FREM2: variants seen among roughly 807,000 people sequenced by gnomAD.
FREM2 encodes FRAS1 related extracellular matrix 2, also known as FRAS1-related extracellular matrix protein 2.
Under a neutral mutation model 219.9 loss-of-function variants are expected in FREM2, and 119 were observed. The observed-to-expected ratio is 0.54, with a 90% confidence interval of 0.47 to 0.63. FREM2 has a LOEUF of 0.63. FREM2 is among the 30% of genes least tolerant of loss of function. FREM2 has a pLI of 0.00. For synonymous variants in FREM2, 1,562 were observed against 1,522.8 expected, an observed-to-expected ratio of 1.03 and a Z score of -0.60; for missense variants, 4,030 against 3,993.6, an observed-to-expected ratio of 1.01 and a Z score of -0.25.
intron 2 of FREM2, among the ~76,000 whole-genome samples, chr13:38,738,565 C>CA (rs71074478): frequency 0.043 from 2,019 of 46,766 alleles, 65 homozygotes; most frequent in Non-Finnish European, 0.059. Context: ...GACTCCATCT[C>CA]AAAAAAAAAA....
At chr13:38,792,673 C>T (rs1874609905) in intron 6 of FREM2, among the ~76,000 whole-genome samples, 2 of 152,118 alleles carry the variant, frequency 1.3e-5, no homozygotes, top group South Asian at 2.1e-4. Flanking sequence ...TCCACTTGGG[C>T]GTCTTAAAAT....
chr13:38,852,030 A>T (rs990348208), intron 11 of FREM2, among the ~76,000 whole-genome samples, 162 bp downstream of exon 11: 2 of 152,178 alleles, frequency 1.3e-5, no homozygotes, highest in Non-Finnish European at 2.9e-5. Flanking sequence ...ATTTTGTTAC[A>T]TGGTTATATT....
At chr13:38,829,203 G>A (rs143275939) in intron 6 of FREM2, among the ~76,000 whole-genome samples, 1 of 152,210 alleles carries the variant, frequency 6.6e-6, no homozygotes, top group East Asian at 1.9e-4. Flanking sequence ...TAGAACATAA[G>A]CAGTCTTAAC....
At chr13:38,784,899 A>C in intron 6 of FREM2, 91 bp downstream of exon 6, 2 of 1,329,600 alleles carry the variant, frequency 1.5e-6, no homozygotes, top group Non-Finnish European at 2.1e-6. Context: ...ATCTAAAACA[A>C]TGATAATATA....
chr13:38,722,338 G>C (rs1871311136), intron 2 of FREM2, among the ~76,000 whole-genome samples: 1 of 151,734 alleles, frequency 6.6e-6, no homozygotes, highest in Admixed American at 6.6e-5. Flanking sequence ...GGGATTATAG[G>C]CATGAGCTAT....
At chr13:38,761,913 T>G (rs1873241181) in intron 2 of FREM2, among the ~76,000 whole-genome samples, 1 of 152,112 alleles carries the variant, frequency 6.6e-6, no homozygotes, top group South Asian at 2.1e-4. Context: ...TAGGTCAGGA[T>G]GAACCTGGAA....
At position 38,882,315 on chromosome 13, in the gene FREM2, C is replaced by G. The variant is rs999758560; in HGVS notation, c.*1528C>G. 2.0e-5 allele frequency: 3 copies of G among 152,212 alleles called. No individual in the cohort carries two copies. Among genetic ancestry groups the G allele is most frequent in the Middle Eastern group, 3.2e-3 (1 of 316 alleles). 9.4% of individuals were successfully genotyped at this position (152,212 alleles called of 1,614,324 possible). On this transcript the variant is annotated 3_prime_UTR_variant, in exon 24 of 24. Transcript: ENST00000280481. The stretch of plus-strand genomic sequence containing the variant: ...TGCTGGCTAGAATCCCCTTTGACTT[C>G]TAGCCATAAGCTGGCCACATTGGAC...
chr13:38,836,224 G>C (rs1876700864), intron 6 of FREM2, among the ~76,000 whole-genome samples: 1 of 152,296 alleles, frequency 6.6e-6, no homozygotes, highest in Admixed American at 6.5e-5. Context: ...CATTGGTTCT[G>C]TTTATGTGAT....
rs187746286 is a variant in FREM2 at position 38,734,371 on chromosome 13, C to T, written c.5264-29933C>T. Among the ~76,000 whole-genome samples the T allele has an allele frequency of 5.5e-3, 837 of 152,214 alleles. 5 individuals are homozygous for T. Among genetic ancestry groups the T allele is most frequent in the African/African-American group, 0.019 (797 of 41,524 alleles). On this transcript the variant is annotated intron_variant, in intron 2 of 23. Transcript: ENST00000280481. ...ACCCAGAGGAGTCTTTAAGAAGAAA[C>T]GTATTTCTTTCTTTTTCAGCTATGA... is the stretch of plus-strand genomic sequence containing the variant.
chr13:38,727,707 A>G (rs1593369293), intron 2 of FREM2, among the ~76,000 whole-genome samples: 1 of 152,236 alleles, frequency 6.6e-6, no homozygotes, highest in African/African-American at 2.4e-5. Context: ...GGTAGCAAGT[A>G]TCTACGCAGT....
At chr13:38,716,138 TA>T (rs67121181) in intron 2 of FREM2, among the ~76,000 whole-genome samples, 18,200 of 152,012 alleles carry the variant, frequency 0.12, 1,259 homozygotes, top group Middle Eastern at 0.24. Context: ...AACGAGCCCC[TA>T]AAAAACCTAG....
chr13:38,784,775 G>C lies in FREM2; in HGVS notation c.5986G>C (p.Ala1996Pro). The part of the protein sequence containing the change: ...GGRIGSEFPG[A>P]QVTIVPDKDD... ...AAGAATCGGATCAGAGTTCCCAGGG[G>C]CTCAAGTTACAATCGTTCCTGACAA... The change falls in exon 6 of 24, where the codon GCT becomes CCT. Residue 1996 changes from alanine (A) to proline (P), a missense_variant. Transcript: ENST00000280481. 2 of 1,614,136 alleles carry C rather than the reference G, an allele frequency of 1.2e-6. No homozygotes were observed. The highest frequency in any genetic ancestry group is 1.7e-6 in the Non-Finnish European group (2 of 1,180,004).
intron 6 of FREM2, among the ~76,000 whole-genome samples, chr13:38,845,642 G>A (rs1377223287): frequency 6.6e-6 from 1 of 152,018 alleles, no homozygotes; most frequent in African/African-American, 2.4e-5. Flanking sequence ...TACTACTTTT[G>A]CAACTTCCTG....
chr13:38,784,558 A>C lies in FREM2; in HGVS notation c.5769A>C (p.Gly1923=). The change falls in exon 6 of 24, where the codon GGA becomes GGC. Residue 1923 remains glycine (G), a splice_region_variant and synonymous_variant. Transcript: ENST00000280481. The part of the protein sequence containing the change: ...ELMVVCYTQQ[G]TATGTVPTSV... The stretch of plus-strand genomic sequence containing the variant: ...CTTTTGAATTCTCTCTGCTTCCAGG[A>C]ACAGCAACTGGAACTGTGCCGACTT... The C allele has an allele frequency of 1.2e-6, 2 of 1,614,084 alleles. No individual in the cohort carries two copies. Among genetic ancestry groups the C allele is most frequent in the Non-Finnish European group, 1.7e-6 (2 of 1,179,946 alleles).
At chr13:38,810,298 G>A (rs1399369086) in intron 6 of FREM2, among the ~76,000 whole-genome samples, 2 of 151,770 alleles carry the variant, frequency 1.3e-5, no homozygotes, top group African/African-American at 4.8e-5. Context: ...TTTCAATTTA[G>A]ATGACCTTTA....
chr13:38,741,880 T>G (rs1006212309), intron 2 of FREM2, among the ~76,000 whole-genome samples: 1 of 152,178 alleles, frequency 6.6e-6, no homozygotes, highest in Non-Finnish European at 1.5e-5. Context: ...GTAATATGCT[T>G]GTCTGGAGAA....
At chr13:38,727,156 A>G (rs1024020755) in intron 2 of FREM2, among the ~76,000 whole-genome samples, 1 of 152,250 alleles carries the variant, frequency 6.6e-6, no homozygotes, top group African/African-American at 2.4e-5. Flanking sequence ...CCTCTAAATC[A>G]TAGGTATTTA....
chr13:38,739,530 C>T (rs1361103736), intron 2 of FREM2, among the ~76,000 whole-genome samples: 1 of 152,180 alleles, frequency 6.6e-6, no homozygotes, highest in Non-Finnish European at 1.5e-5. Flanking sequence ...TGGTTGGCTT[C>T]CTTTGTCCAT....
chr13:38,848,785 A>C (rs1448430763), intron 8 of FREM2, 115 bp downstream of exon 8: 1 of 937,656 alleles, frequency 1.1e-6, no homozygotes, highest in Non-Finnish European at 1.6e-6. Flanking sequence ...TAGGGCTTCC[A>C]TAACAAAGTA....
Sources: gnomAD v4.1 joint callset for allele counts (sites outside exome capture counted in the v4.1 genomes callset) on GRCh38, gnomAD v4.1.1 for gene constraint, MANE v1.5 for transcripts, NCBI Gene and HGNC (gene_info 2026-07-23, HGNC 2026-07-21) for gene names.